Variants in GSN observed in about 807,000 individuals in gnomAD.
GSN encodes the protein actin-depolymerizing factor.
Under a neutral mutation model 85.7 loss-of-function variants are expected in GSN, and 56 were observed. That is an observed-to-expected ratio of 0.65 (90% CI 0.53 to 0.82). The LOEUF is 0.82. GSN is among the 40% of genes least tolerant of loss of function. GSN has a pLI of 0.00. For synonymous variants in GSN, 373 were observed against 399.1 expected (o/e 0.93, Z 0.78); for missense variants, 857 against 979.8 (o/e 0.87, Z 1.67).
chr9:121,223,946 A>G (rs898266182), intron 4 of GSN, among the ~76,000 whole-genome samples: 2 of 152,012 alleles, frequency 1.3e-5, no homozygotes, highest in African/African-American at 2.4e-5. Flanking sequence ...AGCATGACCA[A>G]CCGTGCCCAG....
chr9:121,238,155 G>C (rs1166254972), intron 5 of GSN: 2 of 152,310 alleles, frequency 1.3e-5, no homozygotes, highest in East Asian at 3.9e-4. Flanking sequence ...TTACTTTGCT[G>C]CTGTGATGGT....
intron 2 of GSN, chr9:121,282,132 G>A (rs1440488331): frequency 4.2e-6 from 2 of 472,934 alleles, no homozygotes; most frequent in African/African-American, 3.9e-5. Flanking sequence ...TGGGGAGGTG[G>A]GGGGAGGAGT....
chr9:121,270,670 C>T (rs965871532), intron 1 of GSN, among the ~76,000 whole-genome samples: 7 of 152,126 alleles, frequency 4.6e-5, no homozygotes, highest in African/African-American at 9.7e-5. Context: ...CCCCAGAGGT[C>T]GCCACTGTTA....
intron 2 of GSN, among the ~76,000 whole-genome samples, chr9:121,292,346 C>G (rs541912573): frequency 5.3e-4 from 80 of 152,324 alleles, no homozygotes; most frequent in African/African-American, 1.9e-3. Context: ...GCATCCCCAT[C>G]CCTGGTACCA....
At chr9:121,271,228 C>T (rs971756641) in intron 1 of GSN, among the ~76,000 whole-genome samples, 6 of 152,118 alleles carry the variant, frequency 3.9e-5, no homozygotes, top group Non-Finnish European at 7.3e-5. Context: ...CTGGGATGCT[C>T]CTGTAATCCT....
rs544080741 is a variant in GSN, at chr9:121,316,755, G to A, written c.754-331G>A. ...CAGAGCGCTGGGATTAAAGGTGTGC[G>A]ACACTGTAACCGGCCTCTTCTCTTT... On this transcript the variant is annotated intron_variant, in intron 7 of 17. Coordinates refer to ENST00000432226, the MANE Select transcript of GSN (RefSeq NM_198252.3). 1.1e-4 allele frequency among the ~76,000 whole-genome samples: 16 copies of A among 152,324 alleles called. No individual in the cohort carries two copies. In the South Asian group the frequency reaches 2.3e-3, roughly 22 times the overall value.
chr9:121,286,552 T>G, intron 2 of GSN: 1 of 1,437,728 alleles, frequency 7.0e-7, no homozygotes. Flanking sequence ...CCAATGCCCC[T>G]CCTCCGTGGC....
chr9:121,202,480 C>T, the GSN span, among the ~76,000 whole-genome samples: 1 of 152,182 alleles, frequency 6.6e-6, no homozygotes, highest in Non-Finnish European at 1.5e-5. Context: ...CATTTCATCT[C>T]TATTTTGACT....
At chr9:121,301,906 G>A in intron 2 of GSN, 57 bp from the exon 3 acceptor site, 1 of 1,612,334 alleles carries the variant, frequency 6.2e-7, no homozygotes, top group Non-Finnish European at 8.5e-7. Flanking sequence ...CCTCATGCCT[G>A]GGGTCTCTCC....
chr9:121,274,353 TC>T (rs2056396955), intron 1 of GSN, among the ~76,000 whole-genome samples: 1 of 152,178 alleles, frequency 6.6e-6, no homozygotes, highest in East Asian at 1.9e-4. Context: ...TTAACAATCC[TC>T]AATTATGAAA....
At chr9:121,313,477 T>G (rs1589079625) in intron 6 of GSN, 1 of 237,740 alleles carries the variant, frequency 4.2e-6, no homozygotes, top group Non-Finnish European at 8.5e-6. Flanking sequence ...GGGATGGAGG[T>G]TCAGATTCTG....
At chr9:121,259,841 C>G (rs2055043997) in intron 6 of GSN, among the ~76,000 whole-genome samples, 1 of 152,178 alleles carries the variant, frequency 6.6e-6, no homozygotes, top group South Asian at 2.1e-4. Flanking sequence ...GAGATCACAG[C>G]TTGCTGCTGA....
chr9:121,234,030 T>A (rs1397871582), intron 5 of GSN, among the ~76,000 whole-genome samples: 4 of 152,228 alleles, frequency 2.6e-5, no homozygotes, highest in African/African-American at 7.2e-5. Context: ...TGGTTCTTTA[T>A]GCTTTTTTTA....
chr9:121,289,446 G>T (rs2058474109), intron 2 of GSN, among the ~76,000 whole-genome samples: 1 of 152,192 alleles, frequency 6.6e-6, no homozygotes, highest in Admixed American at 6.5e-5. Context: ...CTGCCTGCTG[G>T]TGCTGGCTGT....
intron 4 of GSN, among the ~76,000 whole-genome samples, chr9:121,218,176 T>G (rs2132099482): frequency 6.6e-6 from 1 of 152,324 alleles, no homozygotes; most frequent in Middle Eastern, 3.4e-3. Flanking sequence ...CATTTAATAT[T>G]GTATTATATT....
chr9:121,266,003 C>A (rs1248342357), upstream of GSN, among the ~76,000 whole-genome samples: 1 of 152,190 alleles, frequency 6.6e-6, no homozygotes, highest in Admixed American at 6.5e-5. Flanking sequence ...TCATCACAAT[C>A]ATCATCAATC....
At chr9:121,235,223 G>A (rs373028794) in intron 5 of GSN, among the ~76,000 whole-genome samples, 6 of 152,200 alleles carry the variant, frequency 3.9e-5, no homozygotes, top group South Asian at 2.1e-4. Flanking sequence ...GAGAAAAGTC[G>A]TGAGTTTCAC....
intron 12 of GSN, 149 bp downstream of exon 12, chr9:121,324,793 C>T (rs529807077): frequency 1.5e-6 from 1 of 666,496 alleles, no homozygotes. Context: ...ATCCATCCAT[C>T]CATGGAACAG....
rs113375075 is a variant in GSN at position 121,261,279 on chromosome 9, G to A, written c.-340-3875G>A. ...TCCTGCTAAATCCCTGGCAGGCATG[G>A]GCTGTTAGGGCTGTGGGCCCCTGTG... On this transcript the variant is annotated intron_variant, in intron 6 of 24. Coordinates refer to the GSN transcript ENST00000373823. The surrounding 1 kb of genome is among the most constrained non-coding windows in gnomAD (Gnocchi z 4.1). 7.2e-5 allele frequency among the ~76,000 whole-genome samples: 11 copies of A among 152,242 alleles called. No individual in the cohort carries two copies. Among genetic ancestry groups the A allele is most frequent in the Admixed American group, 2.0e-4 (3 of 15,282 alleles).
Sources: allele counts gnomAD v4.1 joint callset (sites outside exome capture counted in the v4.1 genomes callset), GRCh38; gene constraint gnomAD v4.1.1; non-coding constraint Gnocchi (gnomAD v3.1); transcripts MANE v1.5; gene names NCBI Gene and HGNC (gene_info 2026-07-23, HGNC 2026-07-21).